BPNT2: variants seen among roughly 807,000 people sequenced by gnomAD.
BPNT2 encodes the protein 3'(2'), 5'-bisphosphate nucleotidase 2, also known as Golgi-resident adenosine 3',5'-bisphosphate 3'-phosphatase.
Under a neutral mutation model 29.3 loss-of-function variants are expected in BPNT2, and 11 were observed. The ratio of observed to expected loss-of-function variants is 0.38; its 90% CI spans 0.24 to 0.62. BPNT2 has a LOEUF of 0.62. Ranked by LOEUF, BPNT2 falls within the 20% of genes least tolerant of loss-of-function variation. The pLI is 0.62. For synonymous variants in BPNT2, 195 were observed against 187.7 expected, an observed-to-expected ratio of 1.04 and a Z score of -0.32; for missense variants, 459 against 473.4, an observed-to-expected ratio of 0.97 and a Z score of 0.28.
chr8:56,974,091 C>T (rs1377700543), intron 3 of BPNT2, among the ~76,000 whole-genome samples: 1 of 152,088 alleles, frequency 6.6e-6, no homozygotes, highest in Non-Finnish European at 1.5e-5. Flanking sequence ...CATATATTTG[C>T]TCTTATGATT....
At chr8:56,971,075 TA>T (rs1266800243) in intron 3 of BPNT2, among the ~76,000 whole-genome samples, 2 of 152,084 alleles carry the variant, frequency 1.3e-5, no homozygotes, top group Non-Finnish European at 2.9e-5. Flanking sequence ...ATTGCTGACT[TA>T]GTATTTTTAA....
In BPNT2 at chr8:56,960,747, G is replaced by T. The variant is rs995208979; in HGVS notation, c.*3046C>A. On this transcript the variant is annotated 3_prime_UTR_variant, in exon 5 of 5. Transcript: ENST00000262644. ...TTTACATTTACATTCTTGAACAATGGGTAGAAAGAAATACTTCGTAAAAAC... is the reference window on the plus strand; with the variant it reads ...TTTACATTTACATTCTTGAACAATGTGTAGAAAGAAATACTTCGTAAAAAC... The T allele has an allele frequency of 2.0e-5, 3 of 151,964 alleles. No homozygotes were observed. The highest frequency in any genetic ancestry group is 7.3e-5 in the African/African-American group (3 of 41,358). 9.4% of individuals were successfully genotyped at this position (151,964 alleles called of 1,614,324 possible).
chr8:56,964,333 C>T (rs1201973458), intron 4 of BPNT2: 1 of 297,210 alleles, frequency 3.4e-6, no homozygotes, highest in African/African-American at 2.2e-5. Flanking sequence ...GAGTCTCGCT[C>T]TGTCACTCAG....
At chr8:56,974,569 CAGG>C (rs922250187) in intron 3 of BPNT2, among the ~76,000 whole-genome samples, 4 of 152,170 alleles carry the variant, frequency 2.6e-5, no homozygotes, top group African/African-American at 7.2e-5. Context: ...AATAACATTC[CAGG>C]AGGAGGGCAC....
At position 56,960,602 on chromosome 8, in the gene BPNT2, G is replaced by A. The variant is rs1011408678; in HGVS notation, c.*3191C>T. 1 of 152,152 alleles carries A rather than the reference G, an allele frequency of 6.6e-6. No individual in the cohort carries two copies. Among genetic ancestry groups the A allele is most frequent in the African/African-American group, 2.4e-5 (1 of 41,436 alleles). The allele number at this position is 152,152 out of a possible 1,614,324, so 9.4% of individuals were successfully genotyped here. A position where few individuals can be genotyped will look rare whatever the true frequency, so the allele number is the denominator to read the frequency against. On this transcript the variant is annotated 3_prime_UTR_variant, in exon 5 of 5. Coordinates refer to ENST00000262644, the MANE Select transcript of BPNT2 (RefSeq NM_017813.5). ...CTAAAATTGGGGTAGCACATACCAAGACAAACATGACCATCTTGTAGGTCC... is the reference window on the plus strand; with the variant it reads ...CTAAAATTGGGGTAGCACATACCAAAACAAACATGACCATCTTGTAGGTCC...
Position 56,972,864 on chromosome 8 carries a change from T to A in BPNT2, c.646+5186A>T, listed in dbSNP as rs532026502. Among the ~76,000 whole-genome samples the A allele has an allele frequency of 1.4e-3, 217 of 150,124 alleles. 6 individuals are homozygous for A. The South Asian group carries it at 0.03, about 21-fold the overall frequency. ...TCCTATTCTGGAAAAAAAAAAAAAA[T>A]TTAAAAAAGGGGCCACAAAATACAT... On this transcript the variant is annotated intron_variant, in intron 3 of 4. Transcript: ENST00000262644.
intron 3 of BPNT2, among the ~76,000 whole-genome samples, chr8:56,976,753 C>G (rs1167405305): frequency 6.6e-6 from 1 of 152,182 alleles, no homozygotes; most frequent in Non-Finnish European, 1.5e-5. Context: ...ACTTCACAGA[C>G]AGCCTTTTTA....
At position 56,962,644 on chromosome 8, in the gene BPNT2, C is replaced by A. The variant is rs578154957; in HGVS notation, c.*1149G>T. On this transcript the variant is annotated 3_prime_UTR_variant, in exon 5 of 5. Transcript: ENST00000262644. ...AGAAAAAAATTTCATCAAAAAGTAC[C>A]TTCAACCTTCTCTATTTTAATCTGA... The A allele has an allele frequency of 1.3e-5, 2 of 152,098 alleles. No individual in the cohort carries two copies. Among genetic ancestry groups the A allele is most frequent in the Admixed American group, 1.3e-4 (2 of 15,288 alleles). 9.4% of individuals were successfully genotyped at this position (152,098 alleles called of 1,614,324 possible).
At chr8:56,964,576 C>T (rs538007021) in intron 4 of BPNT2, among the ~76,000 whole-genome samples, 2 of 152,328 alleles carry the variant, frequency 1.3e-5, no homozygotes, top group South Asian at 4.1e-4. Flanking sequence ...GCTGGGATTA[C>T]AGGCGTGAGC....
Position 56,963,663 on chromosome 8 carries a change from G to T in BPNT2, c.*130C>A. ...ATTACAGGGAAAATAAGTCTCTGATGCTTCATAAATACTTTAAAAAGTTCG... is the reference window on the plus strand; with the variant it reads ...ATTACAGGGAAAATAAGTCTCTGATTCTTCATAAATACTTTAAAAAGTTCG... On this transcript the variant is annotated 3_prime_UTR_variant, in exon 5 of 5. Transcript: ENST00000262644. 1.0e-6 allele frequency: 1 copy of T among 985,672 alleles called. No individual in the cohort carries two copies. 61.1% of individuals were successfully genotyped at this position (985,672 alleles called of 1,614,324 possible).
chr8:56,963,890 G>GA lies in BPNT2; in HGVS notation c.982dup (p.Ser328PhefsTer5). The GA allele has an allele frequency of 6.2e-7, 1 of 1,614,108 alleles. No homozygotes were observed. The highest frequency in any genetic ancestry group is 2.2e-5 in the East Asian group (1 of 44,872). ...AAGGAGTCCCCCTTCAATGCCGTCTGAACCAGTGTAACTGATTTCTTCACC... is the reference window on the plus strand; with the variant it reads ...AAGGAGTCCCCCTTCAATGCCGTCTGAAACCAGTGTAACTGATTTCTTCACC... On this transcript the variant is annotated frameshift_variant, in exon 5 of 5. Transcript: ENST00000262644. LOFTEE classifies it high-confidence loss of function.
chr8:56,993,057 G>A, intron 1 of BPNT2, 142 bp downstream of exon 1: 2 of 1,506,658 alleles, frequency 1.3e-6, no homozygotes, highest in Non-Finnish European at 1.8e-6. Flanking sequence ...CTGTCTGTCT[G>A]ACCTTGTGCA....
At chr8:56,964,915 G>C (rs984899343) in intron 4 of BPNT2, among the ~76,000 whole-genome samples, 1 of 152,118 alleles carries the variant, frequency 6.6e-6, no homozygotes, top group Admixed American at 6.5e-5. Flanking sequence ...TGGGTATTCT[G>C]GACATTACTT....
At chr8:56,982,790 A>G (rs2129205897) in intron 1 of BPNT2, among the ~76,000 whole-genome samples, 1 of 152,318 alleles carries the variant, frequency 6.6e-6, no homozygotes, top group East Asian at 1.9e-4. Context: ...TGGCTAGGCA[A>G]TTATTCATAA....
At chr8:56,970,420 T>C (rs1018454611) in intron 3 of BPNT2, among the ~76,000 whole-genome samples, 5 of 152,078 alleles carry the variant, frequency 3.3e-5, no homozygotes, top group Admixed American at 3.3e-4. Flanking sequence ...ATCAGACAAG[T>C]CCAAAAGACA....
chr8:56,979,751 T>C (rs183748476), intron 2 of BPNT2, among the ~76,000 whole-genome samples: 1 of 152,336 alleles, frequency 6.6e-6, no homozygotes, highest in East Asian at 1.9e-4. Context: ...GTTTTGTTAC[T>C]TACTTGCCTT....
Position 56,963,756 on chromosome 8 carries a change from T to G in BPNT2, c.*37A>C. The G allele has an allele frequency of 6.2e-7, 1 of 1,611,886 alleles. No homozygotes were observed. Among genetic ancestry groups the G allele is most frequent in the Non-Finnish European group, 8.5e-7 (1 of 1,178,138 alleles). On this transcript the variant is annotated 3_prime_UTR_variant, in exon 5 of 5. Transcript: ENST00000262644. ...CTTCCAGCATCTCAGGCTAACCATT[T>G]CAGCTGTGAAGAACTGTACCCTGTA...
intron 1 of BPNT2, among the ~76,000 whole-genome samples, chr8:56,988,458 G>A (rs902608352): frequency 3.3e-5 from 5 of 152,192 alleles, no homozygotes; most frequent in African/African-American, 1.2e-4. Context: ...AGGTTCTTAA[G>A]AAGACTGAAA....
Position 56,958,558 on chromosome 8 carries a change from T to C in BPNT2, c.*5235A>G, listed in dbSNP as rs950091398. On this transcript the variant is annotated 3_prime_UTR_variant, in exon 5 of 5. Coordinates refer to ENST00000262644, the MANE Select transcript of BPNT2 (RefSeq NM_017813.5). Reference sequence around the variant, plus strand: ...TGAAAGGGAAAAGAGTATTCAAAGGTATTTTTATTTTATCTCATTGTTAGC... The same window carrying C: ...TGAAAGGGAAAAGAGTATTCAAAGGCATTTTTATTTTATCTCATTGTTAGC... 4 of 152,226 alleles carry C rather than the reference T, an allele frequency of 2.6e-5. No homozygotes were observed. The highest frequency in any genetic ancestry group is 5.9e-5 in the Non-Finnish European group (4 of 68,030). 9.4% of individuals were successfully genotyped at this position (152,226 alleles called of 1,614,324 possible).
Sources: allele counts gnomAD v4.1 joint callset (sites outside exome capture counted in the v4.1 genomes callset), GRCh38; gene constraint gnomAD v4.1.1; transcripts MANE v1.5; gene names NCBI Gene and HGNC (gene_info 2026-07-23, HGNC 2026-07-21).